ZBTB41: variants seen among roughly 807,000 people sequenced by gnomAD.
ZBTB41 encodes zinc finger and BTB domain-containing protein 41.
A neutral mutation model predicts 87.6 loss-of-function variants in ZBTB41; 42 were observed. The ratio of observed to expected loss-of-function variants is 0.48; its 90% CI spans 0.37 to 0.62. The LOEUF (loss-of-function observed/expected upper bound fraction) is 0.62. Ranked by LOEUF, ZBTB41 falls within the 20% of genes least tolerant of loss-of-function variation. The pLI is 0.00. For synonymous variants in ZBTB41, 364 were observed against 364.0 expected (o/e 1.00, Z 0.00); for missense variants, 799 against 1,078.9 (o/e 0.74, Z 3.63).
At chr1:197,160,308 C>G (rs757190117) in intron 10 of ZBTB41, among the ~76,000 whole-genome samples, 19 of 152,092 alleles carry the variant, frequency 1.2e-4, no homozygotes, top group African/African-American at 4.1e-4. Context: ...AATAACCAAC[C>G]TCACAGAGTT....
At position 197,159,154 on chromosome 1, in the gene ZBTB41, T is replaced by C. The variant is rs761147484; in HGVS notation, c.*205A>G. ...AAATAATCTTTAAAAATCACAAAAATGTGCACTTCAAATATTATGCCAGAA... is the reference window on the plus strand; with the variant it reads ...AAATAATCTTTAAAAATCACAAAAACGTGCACTTCAAATATTATGCCAGAA... On this transcript the variant is annotated 3_prime_UTR_variant, in exon 11 of 11. Coordinates refer to ENST00000367405, the MANE Select transcript of ZBTB41 (RefSeq NM_194314.3). The C allele has an allele frequency of 2.9e-5, 15 of 520,890 alleles. No homozygotes were observed. The highest frequency in any genetic ancestry group is 4.3e-5 in the Non-Finnish European group (13 of 301,854). The allele number at this position is 520,890 out of a possible 1,614,324, so 32.3% of individuals were successfully genotyped here. A position where few individuals can be genotyped will look rare whatever the true frequency, so the allele number is the denominator to read the frequency against.
chr1:197,165,380 C>T (rs1350220131), intron 10 of ZBTB41, among the ~76,000 whole-genome samples: 1 of 151,844 alleles, frequency 6.6e-6, no homozygotes, highest in Non-Finnish European at 1.5e-5. Flanking sequence ...GAGGCCGAGG[C>T]GGGCGGATCA....
chr1:197,199,727 G>T lies in ZBTB41; in HGVS notation c.747C>A (p.Ser249=). Reference sequence around the variant, plus strand: ...TCCGATTCCTTTTTGATCTTCTTGCGGAGAAACTTCTCTCCAGCATTTTTA... The same window carrying T: ...TCCGATTCCTTTTTGATCTTCTTGCTGAGAAACTTCTCTCCAGCATTTTTA... ...HGLKMLERSF[S]ARRSKRNRKC... Residue 249 remains serine, a synonymous_variant, in exon 2 of 11, where the codon TCC becomes TCA. Coordinates refer to ENST00000367405, the MANE Select transcript of ZBTB41 (RefSeq NM_194314.3). The T allele has an allele frequency of 6.2e-7, 1 of 1,613,312 alleles. No homozygotes were observed. The highest frequency in any genetic ancestry group is 2.2e-5 in the East Asian group (1 of 44,866).
At chr1:197,165,618 A>C (rs1246479650) in intron 10 of ZBTB41, among the ~76,000 whole-genome samples, 2 of 151,838 alleles carry the variant, frequency 1.3e-5, no homozygotes, top group African/African-American at 2.4e-5. Context: ...TCAAAAAAAA[A>C]ACAAAAAAAA....
chr1:197,154,145 AT>A lies in ZBTB41; in HGVS notation c.*5213del, dbSNP rs970050462. On this transcript the variant is annotated 3_prime_UTR_variant, in exon 11 of 11. Transcript: ENST00000367405. ...CGTTAGAAGGAATAAAAATTTTGTA[AT>A]TACATCACAGTACATTGTCCAGCTT... 8 of 152,568 alleles carry A rather than the reference AT, an allele frequency of 5.2e-5. No homozygotes were observed. The highest frequency in any genetic ancestry group is 1.2e-4 in the Non-Finnish European group (8 of 67,968). The allele number at this position is 152,568 out of a possible 1,614,324, so 9.5% of individuals were successfully genotyped here.
intron 10 of ZBTB41, among the ~76,000 whole-genome samples, chr1:197,168,101 T>G (rs1452882041): frequency 6.6e-6 from 1 of 151,960 alleles, no homozygotes; most frequent in East Asian, 1.9e-4. Context: ...CAAACTCAAT[T>G]CTATTCCTGT....
chr1:197,191,786 T>C lies in ZBTB41; in HGVS notation c.1234A>G (p.Ser412Gly). 6.2e-7 allele frequency: 1 copy of C among 1,613,972 alleles called. No homozygotes were observed. The highest frequency in any genetic ancestry group is 1.1e-5 in the South Asian group (1 of 91,040). Residue 412 changes from serine to glycine, a missense_variant, in exon 3 of 11, where the codon AGT (serine) becomes GGT (glycine). Around this residue, in one of 5 missense-constraint regions of ZBTB41, gnomAD observed 294 missense variants for 340.1 expected, o/e 0.86. Coordinates refer to ENST00000367405, the MANE Select transcript of ZBTB41 (RefSeq NM_194314.3). ...SNLTVHRKKH[S>G]NETEFHKKEH... ...TTCTTATGAAATTCTGTTTCATTAC[T>C]GTGCTTCTTTCTGTGAACAGTTAGG...
At chr1:197,197,575 G>GGGAGGGAAGGAGGGAGGGAC (rs1371565373) in intron 2 of ZBTB41, among the ~76,000 whole-genome samples, 1 of 147,074 alleles carries the variant, frequency 6.8e-6, no homozygotes, top group Non-Finnish European at 1.5e-5. Flanking sequence ...GAGGGAGGGA[G>GGGAGGGAAGGAGGGAGGGAC]GGAGGGAGCG....
At chr1:197,167,529 C>A (rs564071737) in intron 10 of ZBTB41, among the ~76,000 whole-genome samples, 6 of 152,152 alleles carry the variant, frequency 3.9e-5, no homozygotes, top group African/African-American at 1.4e-4. Flanking sequence ...TTCAATACAC[C>A]ATGAACAGGA....
At chr1:197,194,010 ATCT>A (rs1185827858) in intron 2 of ZBTB41, among the ~76,000 whole-genome samples, 1 of 151,782 alleles carries the variant, frequency 6.6e-6, no homozygotes, top group African/African-American at 2.4e-5. Context: ...TAATGCTTAA[ATCT>A]TCTCATCTTT....
At chr1:197,178,608 A>T in intron 6 of ZBTB41, 96 bp from the exon 7 acceptor site, 2 of 719,676 alleles carry the variant, frequency 2.8e-6, no homozygotes, top group Non-Finnish European at 4.2e-6. Flanking sequence ...AAGCTAACTG[A>T]TATTATGGCA....
At position 197,199,697 on chromosome 1, in the gene ZBTB41, G is replaced by A. The variant is rs1267610916; in HGVS notation, c.777C>T (p.Cys259=). 3.1e-6 allele frequency: 5 copies of A among 1,613,492 alleles called. No individual in the cohort carries two copies. Among genetic ancestry groups the A allele is most frequent in the South Asian group, 1.1e-5 (1 of 90,998 alleles). ...SARRSKRNRK[C]PVKFDDTSDD... ...CGCTGGTGTCATCAAACTTAACAGG[G>A]CACTTCCGATTCCTTTTTGATCTTC... The change falls in exon 2 of 11, where the codon TGC becomes TGT. Residue 259 remains cysteine (C), a synonymous_variant. Transcript: ENST00000367405.
chr1:197,186,546 A>T (rs1659887702), intron 5 of ZBTB41, among the ~76,000 whole-genome samples: 4 of 152,180 alleles, frequency 2.6e-5, no homozygotes, highest in Admixed American at 2.6e-4. Flanking sequence ...TCAAAACTCA[A>T]CAATAAGTAA....
In ZBTB41 at chr1:197,199,237, C is replaced by T. The variant is rs1660237831; in HGVS notation, c.1120+117G>A. 8.9e-6 allele frequency: 9 copies of T among 1,011,526 alleles called. No homozygotes were observed. In the South Asian group the frequency reaches 2.3e-4, roughly 26 times the overall value. 62.7% of individuals were successfully genotyped at this position (1,011,526 alleles called of 1,614,324 possible). A position where few individuals can be genotyped will look rare whatever the true frequency, so the allele number is the denominator to read the frequency against. On this transcript the variant is annotated intron_variant, in intron 2 of 10. Transcript: ENST00000367405. ...ACACTATTGAAAACCAAGGTATTCT[C>T]CCTACTTAAACAGTCTTTTTAGAAG...
At chr1:197,194,045 G>C (rs976166743) in intron 2 of ZBTB41, among the ~76,000 whole-genome samples, 1 of 151,708 alleles carries the variant, frequency 6.6e-6, no homozygotes, top group Non-Finnish European at 1.5e-5. Context: ...TTTTGAGACG[G>C]AGTTTTGCTC....
intron 10 of ZBTB41, among the ~76,000 whole-genome samples, chr1:197,166,972 C>T (rs1235051265): frequency 6.6e-6 from 1 of 152,166 alleles, no homozygotes; most frequent in Non-Finnish European, 1.5e-5. Context: ...ACACAAACTC[C>T]TCCAGATAAC....
At position 197,159,156 on chromosome 1, in the gene ZBTB41, T is replaced by G; in HGVS notation, c.*203A>C. 1.9e-6 allele frequency: 1 copy of G among 525,924 alleles called. No homozygotes were observed. The highest frequency in any genetic ancestry group is 3.3e-6 in the Non-Finnish European group (1 of 304,746). 32.6% of individuals were successfully genotyped at this position (525,924 alleles called of 1,614,324 possible). A position where few individuals can be genotyped will look rare whatever the true frequency, so the allele number is the denominator to read the frequency against. On this transcript the variant is annotated 3_prime_UTR_variant, in exon 11 of 11. Transcript: ENST00000367405. ...ATAATCTTTAAAAATCACAAAAATGTGCACTTCAAATATTATGCCAGAAAT... is the reference window on the plus strand; with the variant it reads ...ATAATCTTTAAAAATCACAAAAATGGGCACTTCAAATATTATGCCAGAAAT...
intron 3 of ZBTB41, among the ~76,000 whole-genome samples, chr1:197,191,444 G>A (rs571071399): frequency 1.8e-3 from 223 of 125,882 alleles, no homozygotes; most frequent in Non-Finnish European, 3.0e-3. Context: ...GCGACACAGT[G>A]AAGCCCTACT....
At position 197,157,077 on chromosome 1, in the gene ZBTB41, C is replaced by T. The variant is rs1000635424; in HGVS notation, c.*2282G>A. 8 of 152,030 alleles carry T rather than the reference C, an allele frequency of 5.3e-5. No individual in the cohort carries two copies. Among genetic ancestry groups the T allele is most frequent in the Non-Finnish European group, 1.2e-4 (8 of 67,702 alleles). 9.4% of individuals were successfully genotyped at this position (152,030 alleles called of 1,614,324 possible). On this transcript the variant is annotated 3_prime_UTR_variant, in exon 11 of 11. Coordinates refer to ENST00000367405, the MANE Select transcript of ZBTB41 (RefSeq NM_194314.3). ...TCACTACTCAAGTTTAAGTTATCTA[C>T]AATAGTAACTAAATACAATTATATT...
Sources: gnomAD v4.1 joint callset for allele counts (sites outside exome capture counted in the v4.1 genomes callset) on GRCh38, gnomAD v4.1.1 for gene constraint, gnomAD v4.1.1 regional missense constraint, MANE v1.5 for transcripts, NCBI Gene and HGNC (gene_info 2026-07-23, HGNC 2026-07-21) for gene names.